The following GPR84 variants were observed in gnomAD, a reference collection of about 807,000 sequenced individuals.
The protein encoded by GPR84 is G protein-coupled receptor 84.
In GPR84, 8 loss-of-function variants were observed where a neutral mutation model predicts 14.9. That is an observed-to-expected ratio of 0.54 (90% CI 0.31 to 0.97). The LOEUF is 0.97. Among genes scored for constraint, GPR84 ranks in the 50% least tolerant of loss-of-function variants. GPR84 has a pLI of 0.04. For synonymous variants in GPR84, 164 were observed against 198.1 expected (o/e 0.83, Z 1.45); for missense variants, 424 against 498.7 (o/e 0.85, Z 1.43).
rs1954299423 is a variant in GPR84 at position 54,363,783 on chromosome 12, T to G, written c.69A>C (p.Ala23=). 6.2e-7 allele frequency: 1 copy of G among 1,613,188 alleles called. No individual in the cohort carries two copies. The highest frequency in any genetic ancestry group is 1.1e-5 in the South Asian group (1 of 91,042). The change falls in exon 2 of 2, where the codon GCA becomes GCC. Residue 23 remains alanine (A), a synonymous_variant. Transcript: ENST00000267015. ...HESVLGYRYV[A]VSWGVVVAVT... is the part of the protein sequence containing the mutation. ...CAGCCACCACCACCCCCCAGCTAAC[T>G]GCAACATAACGATAGCCCAGCACAG...
the GPR84 span, chr12:54,351,423 G>A: frequency 2.0e-5 from 3 of 152,226 alleles, no homozygotes; most frequent in Non-Finnish European, 2.9e-5. Flanking sequence ...TCAGCTCCCC[G>A]ACATGCATTT....
In GPR84 at chr12:54,363,691, C is replaced by T. The variant is rs147285081; in HGVS notation, c.161G>A (p.Arg54Gln). The stretch of plus-strand genomic sequence containing the variant: ...GAGGTTGGCTATGAGCAGGTTGAAT[C>T]GGGTACGGAGCTTGGGCTGGATGGC... ...ALAIQPKLRT[R>Q]FNLLIANLTL... The change falls in exon 2 of 2, where the codon CGA (arginine) becomes CAA (glutamine). Residue 54 changes from arginine (R) to glutamine (Q), a missense_variant. Coordinates refer to ENST00000267015, the MANE Select transcript of GPR84 (RefSeq NM_020370.3). 7.2e-5 allele frequency: 117 copies of T among 1,613,972 alleles called. No homozygotes were observed. In the East Asian group the frequency reaches 1.3e-3, roughly 18 times the overall value.
At chr12:54,355,883 C>T in the GPR84 span, among the ~76,000 whole-genome samples, 1 of 152,178 alleles carries the variant, frequency 6.6e-6, no homozygotes, top group African/African-American at 2.4e-5. Context: ...GCTCACAACC[C>T]CATTTTCCCA....
the GPR84 span, chr12:54,353,956 A>G: frequency 2.6e-5 from 4 of 152,194 alleles, no homozygotes; most frequent in Non-Finnish European, 5.9e-5. Flanking sequence ...TTTCTGGCTG[A>G]GCCTCCAGAC....
At chr12:54,352,517 A>AG in the GPR84 span, among the ~76,000 whole-genome samples, 14 of 152,014 alleles carry the variant, frequency 9.2e-5, no homozygotes, top group Admixed American at 7.9e-4. Context: ...ATTTTTAAGG[A>AG]GGGGGGAGTG....
the GPR84 span, among the ~76,000 whole-genome samples, chr12:54,352,060 G>C: frequency 6.6e-6 from 1 of 152,088 alleles, no homozygotes; most frequent in Non-Finnish European, 1.5e-5. Context: ...GGTGGGGTGG[G>C]GATGGTATTT....
chr12:54,356,356 G>T, the GPR84 span, among the ~76,000 whole-genome samples: 1 of 152,188 alleles, frequency 6.6e-6, no homozygotes, highest in Non-Finnish European at 1.5e-5. Context: ...AGGAGCAGCT[G>T]GTCCTTTACA....
At chr12:54,350,883 T>C in the GPR84 span, 2 of 281,368 alleles carry the variant, frequency 7.1e-6, no homozygotes, top group Non-Finnish European at 1.4e-5. Context: ...AAGAATGTGC[T>C]GAGTGTTTTC....
At chr12:54,354,116 C>CTTTT in the GPR84 span, among the ~76,000 whole-genome samples, 43 of 141,496 alleles carry the variant, frequency 3.0e-4, no homozygotes, top group African/African-American at 1.1e-3. Flanking sequence ...TTTCTCTTTT[C>CTTTT]TTTTTTTTTT....
downstream of GPR84, among the ~76,000 whole-genome samples, chr12:54,358,886 T>C (rs1489121687): frequency 6.6e-6 from 1 of 152,048 alleles, no homozygotes; most frequent in African/African-American, 2.4e-5. Context: ...CGGAATCCTC[T>C]CTCCCTGTTC....
At chr12:54,360,473 C>T (rs918427658), downstream of GPR84, among the ~76,000 whole-genome samples, 1 of 152,092 alleles carries the variant, frequency 6.6e-6, no homozygotes, top group East Asian at 1.9e-4. Flanking sequence ...AAACCTTTGT[C>T]TCTACACCCA....
chr12:54,354,556 C>G, the GPR84 span, among the ~76,000 whole-genome samples: 2 of 151,654 alleles, frequency 1.3e-5, no homozygotes, highest in African/African-American at 4.8e-5. Flanking sequence ...CCTCAGCCTC[C>G]CGAGTAGCTG....
Position 54,363,733 on chromosome 12 carries a change from A to G in GPR84, c.119T>C (p.Leu40Pro). 1 of 1,613,924 alleles carries G rather than the reference A, an allele frequency of 6.2e-7. No individual in the cohort carries two copies. ...CTGGATGGCCAAGGCCAGTAGGGTG[A>G]GCACATTGCCCACGGTGCCTGTCAC... ...VAVTGTVGNV[L>P]TLLALAIQPK... The change falls in exon 2 of 2, where the codon CTC (leucine) becomes CCC (proline). Residue 40 changes from leucine (L) to proline (P), a missense_variant. By Grantham distance (98) the Leu-to-Pro change is moderately conservative. Transcript: ENST00000267015.
In GPR84 at chr12:54,363,250, A is replaced by G; in HGVS notation, c.602T>C (p.Ile201Thr). ...TGCTGCTCGTTTGACCTGGCGGTGG[A>G]TGAGGCAATAGAAGATGCCAACACT... ...LSSVGIFYCL[I>T]HRQVKRAAQA... Residue 201 changes from isoleucine (I) to threonine (T), a missense_variant, in exon 2 of 2, where the codon ATC becomes ACC. By Grantham distance (89) the Ile-to-Thr change is moderately conservative (BLOSUM62 -1). Transcript: ENST00000267015. The G allele has an allele frequency of 6.2e-7, 1 of 1,614,188 alleles. No homozygotes were observed. The highest frequency in any genetic ancestry group is 2.2e-5 in the East Asian group (1 of 44,884).
rs1387231823 is a variant in GPR84, at chr12:54,362,488, TG to T, written c.*172del. ...TTTATTAATAATTAATAATACTCCT[TG>T]GGCAGTCTAGGGCTGAAACATTGAT... is the stretch of plus-strand genomic sequence containing the variant. On this transcript the variant is annotated 3_prime_UTR_variant, in exon 2 of 2. Transcript: ENST00000267015. This position sits in a 1 kb window ranked among gnomAD's most constrained non-coding sequence, Gnocchi z 4.0. 3.2e-6 allele frequency: 2 copies of T among 619,848 alleles called. No individual in the cohort carries two copies. Among genetic ancestry groups the T allele is most frequent in the African/African-American group, 3.6e-5 (2 of 54,942 alleles). The allele number at this position is 619,848 out of a possible 1,614,324, so 38.4% of individuals were successfully genotyped here. A position where few individuals can be genotyped will look rare whatever the true frequency, so the allele number is the denominator to read the frequency against.
At chr12:54,358,819 C>T (rs1053665571), downstream of GPR84, among the ~76,000 whole-genome samples, 1 of 152,040 alleles carries the variant, frequency 6.6e-6, no homozygotes, top group African/African-American at 2.4e-5. Flanking sequence ...CTCTCCTCAA[C>T]CTTCCTTTCT....
the GPR84 span, among the ~76,000 whole-genome samples, chr12:54,354,596 CTT>C: frequency 2.3e-5 from 3 of 128,608 alleles, no homozygotes. Context: ...CTATGCCTAG[CTT>C]TTTTTTTTTT....
downstream of GPR84, among the ~76,000 whole-genome samples, chr12:54,361,243 G>A (rs947888312): frequency 4.0e-5 from 6 of 151,876 alleles, no homozygotes; most frequent in Non-Finnish European, 8.8e-5. The surrounding 1 kb of genome is among the most constrained non-coding windows in gnomAD (Gnocchi z 4.3). Flanking sequence ...GTGCAGTGGC[G>A]CGATCTCGGT....
chr12:54,360,165 G>C (rs1276940059), downstream of GPR84, among the ~76,000 whole-genome samples: 1 of 152,126 alleles, frequency 6.6e-6, no homozygotes, highest in Non-Finnish European at 1.5e-5. Flanking sequence ...TAGAAAGGCG[G>C]ATTTGAGACT....
Sources: gnomAD v4.1 joint callset for allele counts (sites outside exome capture counted in the v4.1 genomes callset) on GRCh38, gnomAD v4.1.1 for gene constraint, Gnocchi (gnomAD v3.1) non-coding constraint, MANE v1.5 for transcripts, NCBI Gene and HGNC (gene_info 2026-07-23, HGNC 2026-07-21) for gene names.